The following CD47 variants were observed in gnomAD, a reference collection of about 807,000 sequenced individuals.
CD47 encodes leukocyte surface antigen CD47.
In CD47, 11 loss-of-function variants were observed where a neutral mutation model predicts 44.6. The ratio of observed to expected loss-of-function variants is 0.25; its 90% confidence interval spans 0.16 to 0.41. The LOEUF (loss-of-function observed/expected upper bound fraction) is 0.41, where lower values mean the gene tolerates loss of function less well. Ranked by LOEUF, CD47 falls within the 10% of genes least tolerant of loss-of-function variation. CD47 has a pLI of 1.00. For synonymous variants in CD47, 140 were observed against 136.3 expected (o/e 1.03, Z -0.19); for missense variants, 306 against 386.7 (o/e 0.79, Z 1.75).
intron 6 of CD47, 119 bp from the exon 7 acceptor site, chr3:108,057,688 T>C (rs189825956): frequency 5.5e-6 from 3 of 549,288 alleles, no homozygotes; most frequent in Non-Finnish European, 1.0e-5. Context: ...AAATTATCCA[T>C]ATATGTTTAT....
In CD47 at chr3:108,058,377, G is replaced by C. The variant is rs754112675; in HGVS notation, c.744C>G (p.Ala248=). The C allele has an allele frequency of 5.7e-6, 9 of 1,567,356 alleles. No homozygotes were observed. Among genetic ancestry groups the C allele is most frequent in the Non-Finnish European group, 7.8e-6 (9 of 1,154,192 alleles). The change falls in exon 6 of 11, where the codon GCC becomes GCG. Residue 248 remains alanine, a synonymous_variant. Coordinates refer to ENST00000361309, the MANE Select transcript of CD47 (RefSeq NM_001777.4). The part of the protein sequence containing the change: ...VIAILVIQVI[A]YILAVVGLSL... ...TCAGTCCAACCACAGCGAGGATATA[G>C]GCTATCACCTGAATAACCAATATGG... is the stretch of plus-strand genomic sequence containing the variant.
rs2078731532 is a variant in CD47, at chr3:108,047,032, G to C, written c.*256C>G. 7.2e-6 allele frequency: 3 copies of C among 414,378 alleles called. No individual in the cohort carries two copies. The highest frequency in any genetic ancestry group is 1.3e-5 in the Non-Finnish European group (3 of 234,246). 25.7% of individuals were successfully genotyped at this position (414,378 alleles called of 1,614,324 possible). The stretch of plus-strand genomic sequence containing the variant: ...GTCCATTCTACTATTGCCCCTAATT[G>C]ATTAAAAATAACAACAAAAAACTGG... On this transcript the variant is annotated 3_prime_UTR_variant, in exon 11 of 11. Transcript: ENST00000361309.
chr3:108,076,484 T>C (rs1451220436), intron 2 of CD47, among the ~76,000 whole-genome samples: 4 of 152,254 alleles, frequency 2.6e-5, no homozygotes, highest in African/African-American at 9.6e-5. Context: ...TGTTTTCACA[T>C]GAACCACATA....
intron 8 of CD47, among the ~76,000 whole-genome samples, chr3:108,051,111 G>A (rs1159338666): frequency 1.3e-5 from 2 of 152,072 alleles, no homozygotes; most frequent in Non-Finnish European, 2.9e-5. Flanking sequence ...ACACATACCC[G>A]CCCCACCTGC....
In CD47 at chr3:108,090,960, A is replaced by AGCC. The variant is rs749176227; in HGVS notation, c.-55_-53dup. On this transcript the variant is annotated 5_prime_UTR_variant, in exon 1 of 11. Coordinates refer to ENST00000361309, the MANE Select transcript of CD47 (RefSeq NM_001777.4). ...CGCCGCCGCAGGTGTCCGGAGCAGC[A>AGCC]GCCGCCGCCGCCGTTACAGGCAGGA... 9 of 1,326,160 alleles carry AGCC rather than the reference A, an allele frequency of 6.8e-6. 1 individual carries two copies. The East Asian group carries it at 9.5e-5, about 14-fold the overall frequency. The allele number at this position is 1,326,160 out of a possible 1,614,324, so 82.1% of individuals were successfully genotyped here.
chr3:108,069,400 C>CT (rs1396588132), intron 3 of CD47, among the ~76,000 whole-genome samples: 3 of 151,144 alleles, frequency 2.0e-5, no homozygotes, highest in Non-Finnish European at 4.4e-5. Flanking sequence ...TTATGGTTAC[C>CT]TTTTTTTAAA....
intron 2 of CD47, among the ~76,000 whole-genome samples, chr3:108,072,698 C>A (rs1452331800): frequency 6.6e-6 from 1 of 152,134 alleles, no homozygotes; most frequent in Non-Finnish European, 1.5e-5. Context: ...TCAGTATAGC[C>A]TAAAACCCTA....
chr3:108,079,567 TAAAAAAAAAA>T (rs71629342), intron 2 of CD47, among the ~76,000 whole-genome samples: 59 of 53,116 alleles, frequency 1.1e-3, no homozygotes, highest in Middle Eastern at 9.8e-3. Context: ...AGTGTAAGGT[TAAAAAAAAAA>T]AAAAAAAAAA....
chr3:108,083,400 A>G (rs2079454492), intron 1 of CD47, among the ~76,000 whole-genome samples: 2 of 152,078 alleles, frequency 1.3e-5, no homozygotes, highest in Non-Finnish European at 2.9e-5. Context: ...TTCAGGTTAG[A>G]AATTTTAAAA....
intron 2 of CD47, among the ~76,000 whole-genome samples, chr3:108,076,912 A>T (rs1215698263): frequency 2.0e-5 from 3 of 152,200 alleles, no homozygotes; most frequent in Non-Finnish European, 4.4e-5. Context: ...AATTTGAGGG[A>T]CAGATAGGTT....
chr3:108,063,074 C>G (rs2079044083), intron 3 of CD47, among the ~76,000 whole-genome samples: 2 of 152,160 alleles, frequency 1.3e-5, no homozygotes, highest in African/African-American at 4.8e-5. Context: ...AATAAAACAT[C>G]ACAAAATACT....
chr3:108,061,476 A>G (rs1200790743), intron 3 of CD47, among the ~76,000 whole-genome samples: 1 of 152,140 alleles, frequency 6.6e-6, no homozygotes, highest in East Asian at 1.9e-4. Context: ...GGCAGATTAC[A>G]CCCTTGTGAA....
intron 10 of CD47, among the ~76,000 whole-genome samples, 198 bp from the exon 11 acceptor site, chr3:108,047,490 A>G (rs2078739373): frequency 6.6e-6 from 1 of 152,254 alleles, no homozygotes; most frequent in South Asian, 2.1e-4. Context: ...GCCAAATGAA[A>G]GTAAAAAATC....
chr3:108,069,346 G>T (rs917904300), intron 3 of CD47, among the ~76,000 whole-genome samples: 1 of 151,910 alleles, frequency 6.6e-6, no homozygotes, highest in Non-Finnish European at 1.5e-5. Flanking sequence ...TGAAGACATG[G>T]GGGAACATCA....
intron 7 of CD47, chr3:108,052,816 T>A (rs953176615): frequency 2.0e-5 from 3 of 151,982 alleles, no homozygotes; most frequent in African/African-American, 7.3e-5. Context: ...TTAGCTGGCG[T>A]GGTGGTGCAT....
At chr3:108,062,390 C>T (rs1385976732) in intron 3 of CD47, among the ~76,000 whole-genome samples, 1 of 152,122 alleles carries the variant, frequency 6.6e-6, no homozygotes, top group African/African-American at 2.4e-5. Flanking sequence ...ACATATGTCA[C>T]ATTTTCCATT....
At chr3:108,070,432 C>T (rs150900063) in intron 3 of CD47, among the ~76,000 whole-genome samples, 4 of 152,170 alleles carry the variant, frequency 2.6e-5, no homozygotes, top group South Asian at 2.1e-4. Context: ...AAACATTAAC[C>T]GTAATGCATA....
intron 2 of CD47, among the ~76,000 whole-genome samples, chr3:108,071,838 A>G (rs1389192305): frequency 6.6e-6 from 1 of 152,164 alleles, no homozygotes; most frequent in African/African-American, 2.4e-5. Context: ...CTCTCTTCTC[A>G]TTGTGGTTAA....
chr3:108,048,858 G>A (rs2078769570), intron 10 of CD47, among the ~76,000 whole-genome samples: 1 of 151,858 alleles, frequency 6.6e-6, no homozygotes, highest in South Asian at 2.1e-4. Flanking sequence ...AAATATCAAA[G>A]GTAAGAAGAC....
Sources: gnomAD v4.1 joint callset for allele counts (sites outside exome capture counted in the v4.1 genomes callset) on GRCh38, gnomAD v4.1.1 for gene constraint, MANE v1.5 for transcripts, NCBI Gene and HGNC (gene_info 2026-07-23, HGNC 2026-07-21) for gene names.